SLC4A5: variants seen among roughly 807,000 people sequenced by gnomAD.
The protein encoded by SLC4A5 is electrogenic sodium bicarbonate cotransporter 4.
In SLC4A5, 96 loss-of-function variants were observed where a neutral mutation model predicts 120.4. The ratio of observed to expected loss-of-function variants is 0.80; its 90% CI spans 0.68 to 0.94. SLC4A5 has a LOEUF of 0.94. Among genes scored for constraint, SLC4A5 ranks in the 40% least tolerant of loss-of-function variants. SLC4A5 has a pLI of 0.00. For synonymous variants in SLC4A5, 550 were observed against 571.1 expected (o/e 0.96, Z 0.53); for missense variants, 1,259 against 1,459.5 (o/e 0.86, Z 2.24).
intron 5 of SLC4A5, among the ~76,000 whole-genome samples, chr2:74,317,988 C>T (rs1673008005): frequency 1.3e-5 from 2 of 152,142 alleles, no homozygotes; most frequent in African/African-American, 4.8e-5. Context: ...GAAACAGGAG[C>T]AATGTAGGCA....
At chr2:74,273,911 C>T (rs1671555033) in intron 8 of SLC4A5, among the ~76,000 whole-genome samples, 2 of 152,312 alleles carry the variant, frequency 1.3e-5, no homozygotes, top group Admixed American at 1.3e-4. Flanking sequence ...CGCCTATAAT[C>T]CCAGCACTTT....
chr2:74,290,167 GCAAATAAATGGACAGGT>G (rs1672112232), intron 7 of SLC4A5: 1 of 985,440 alleles, frequency 1.0e-6, no homozygotes, highest in African/African-American at 1.7e-5. Flanking sequence ...AGACAAGAAG[GCAAATAAATGGACAGGT>G]CCTGGAGAGA....
At chr2:74,253,077 C>G in exon 15 of SLC4A5, 2 of 1,614,172 alleles carry the variant, frequency 1.2e-6, no homozygotes, top group Non-Finnish European at 1.7e-6. Context: ...TCATCAATTC[C>G]TGCGATCAGA....
intron 14 of SLC4A5, among the ~76,000 whole-genome samples, chr2:74,253,461 G>T (rs748058047): frequency 3.9e-5 from 6 of 152,150 alleles, no homozygotes; most frequent in African/African-American, 1.4e-4. Context: ...AGTCCAAGGA[G>T]CTCAGATATT....
At chr2:74,264,199 C>T in exon 10 of SLC4A5, 1 of 1,614,212 alleles carries the variant, frequency 6.2e-7, no homozygotes, top group Non-Finnish European at 8.5e-7. Flanking sequence ...GGATGGGCTT[C>T]TTGGTTTGGT....
chr2:74,310,093 T>A (rs978181275), intron 6 of SLC4A5, among the ~76,000 whole-genome samples: 3 of 152,204 alleles, frequency 2.0e-5, no homozygotes, highest in Non-Finnish European at 4.4e-5. Flanking sequence ...TGTCTTAAAT[T>A]TCAAATTCCA....
chr2:74,307,924 C>T (rs1336006486), intron 6 of SLC4A5: 20 of 508,064 alleles, frequency 3.9e-5, no homozygotes, highest in South Asian at 1.5e-4. Flanking sequence ...ACACTGCTGA[C>T]CAGCCAGGCG....
intron 7 of SLC4A5, among the ~76,000 whole-genome samples, chr2:74,292,100 C>A (rs551003909): frequency 6.6e-6 from 1 of 152,184 alleles, no homozygotes; most frequent in East Asian, 1.9e-4. Context: ...ATCTATGAAG[C>A]GGTAATAATC....
chr2:74,299,787 A>G lies in SLC4A5; in HGVS notation c.271+4702T>C, dbSNP rs6761196. ...TGTTGGTGGGAATGTAAATTGGTAC[A>G]GCCATTATGGAAAATAATATGGAAG... On this transcript the variant is annotated intron_variant, in intron 7 of 30. Transcript: ENST00000394019. 7.2e-3 allele frequency among the ~76,000 whole-genome samples: 1,103 copies of G among 152,350 alleles called. 16 individuals are homozygous for G. Among genetic ancestry groups the G allele is most frequent in the African/African-American group, 0.021 (872 of 41,566 alleles).
chr2:74,226,652 G>A (rs1047619105), intron 27 of SLC4A5, among the ~76,000 whole-genome samples: 3 of 152,040 alleles, frequency 2.0e-5, no homozygotes, highest in South Asian at 2.1e-4. Flanking sequence ...GTGGGAACTC[G>A]GTCTCCTGGT....
chr2:74,304,744 A>G (rs1466264816), intron 6 of SLC4A5, 64 bp from the exon 7 acceptor site: 5 of 1,503,388 alleles, frequency 3.3e-6, no homozygotes, highest in Non-Finnish European at 3.6e-6. Flanking sequence ...TTTTCATAAT[A>G]TTCATCAGTT....
intron 5 of SLC4A5, among the ~76,000 whole-genome samples, chr2:74,315,792 A>G (rs1054948913): frequency 6.6e-6 from 1 of 151,850 alleles, no homozygotes; most frequent in Admixed American, 6.6e-5. Context: ...GTGAGACTCT[A>G]TCTCTACGAA....
chr2:74,248,904 G>A (rs1249097697), intron 17 of SLC4A5, among the ~76,000 whole-genome samples: 1 of 152,216 alleles, frequency 6.6e-6, no homozygotes, highest in Non-Finnish European at 1.5e-5. Flanking sequence ...CATTGTGAAA[G>A]GTATTGAGAA....
chr2:74,232,112 G>A (rs1670108834), intron 24 of SLC4A5, among the ~76,000 whole-genome samples: 1 of 152,206 alleles, frequency 6.6e-6, no homozygotes. Context: ...CCGCAGGAGG[G>A]CCATCAGGGC....
chr2:74,265,163 C>A, exon 9 of SLC4A5: 1 of 1,614,228 alleles, frequency 6.2e-7, no homozygotes, highest in Non-Finnish European at 8.5e-7. Context: ...CGTCTGCAGG[C>A]AGGTACGGAG....
chr2:74,260,551 C>T (rs1427091451), intron 11 of SLC4A5, among the ~76,000 whole-genome samples: 1 of 152,094 alleles, frequency 6.6e-6, no homozygotes, highest in Non-Finnish European at 1.5e-5. Flanking sequence ...TTTACCTGCC[C>T]CCAAATCACT....
chr2:74,334,602 G>C (rs1233167651), intron 3 of SLC4A5, among the ~76,000 whole-genome samples: 1 of 152,040 alleles, frequency 6.6e-6, no homozygotes, highest in Non-Finnish European at 1.5e-5. Context: ...TTCACTTTTT[G>C]TCTGTTCCTC....
intron 8 of SLC4A5, among the ~76,000 whole-genome samples, chr2:74,273,535 C>T (rs781709445): frequency 8.5e-5 from 13 of 152,188 alleles, no homozygotes; most frequent in Non-Finnish European, 1.8e-4. Flanking sequence ...CCCCATTACC[C>T]AAAAGCTTGA....
exon 31 of SLC4A5, chr2:74,217,331 T>C (rs777346749): frequency 2.6e-5 from 4 of 152,248 alleles, no homozygotes; most frequent in Non-Finnish European, 4.4e-5. Context: ...GTTCATTAAA[T>C]GTGGATTGAA....
Sources: gnomAD v4.1 joint callset for allele counts (sites outside exome capture counted in the v4.1 genomes callset) on GRCh38, gnomAD v4.1.1 for gene constraint, MANE v1.5 for transcripts, NCBI Gene and HGNC (gene_info 2026-07-23, HGNC 2026-07-21) for gene names.